ATG16L2: variants seen among roughly 807,000 people sequenced by gnomAD.
ATG16L2 encodes the protein autophagy related 16 like 2.
A neutral mutation model predicts 84.7 loss-of-function variants in ATG16L2; 77 were observed. That is an observed-to-expected ratio of 0.91 (90% CI 0.76 to 1.10). The LOEUF (loss-of-function observed/expected upper bound fraction) is 1.10. ATG16L2 is among the 50% of genes least tolerant of loss of function. ATG16L2 has a pLI of 0.00. For missense variants in ATG16L2, 782 were observed against 817.6 expected (o/e 0.96, Z 0.53); for synonymous variants, 361 against 342.8 (o/e 1.05, Z -0.59).
chr11:72,832,676 G>A (rs1356589123), downstream of ATG16L2, among the ~76,000 whole-genome samples: 3 of 152,212 alleles, frequency 2.0e-5, no homozygotes, highest in Non-Finnish European at 4.4e-5. Flanking sequence ...AATCTGGAGT[G>A]GCCCGCACTC....
downstream of ATG16L2, among the ~76,000 whole-genome samples, chr11:72,833,146 A>G (rs150768612): frequency 2.0e-5 from 3 of 152,338 alleles, no homozygotes. Flanking sequence ...GTCTCCCACC[A>G]GATGCAAGCC....
intron 1 of ATG16L2, chr11:72,816,355 GC>G: frequency 5.8e-6 from 1 of 173,256 alleles, no homozygotes; most frequent in Admixed American, 6.1e-5. Flanking sequence ...GACAGGTAGA[GC>G]TCGGTTTATT....
rs552814779 is a variant in ATG16L2 at position 72,825,391 on chromosome 11, C to T, written c.1086C>T (p.Leu362=). 1.2e-6 allele frequency: 2 copies of T among 1,612,500 alleles called. No homozygotes were observed. Among genetic ancestry groups the T allele is most frequent in the East Asian group, 2.2e-5 (1 of 44,870 alleles). Residue 362 remains leucine (L), a synonymous_variant, in exon 10 of 18, where the codon CTC becomes CTT. Coordinates refer to ENST00000321297, the MANE Select transcript of ATG16L2 (RefSeq NM_033388.2). ...ATGGADRLIH[L]WNVVGSRLEA... is the part of the protein sequence containing the mutation. ...GAGGGGCTGACCGCCTGATCCACCT[C>T]TGGAATGTTGTGGGAAGTAAGGAGC...
intron 10 of ATG16L2, 105 bp from the exon 11 acceptor site, chr11:72,826,068 T>C (rs539809593): frequency 1.3e-5 from 12 of 892,508 alleles, no homozygotes; most frequent in Admixed American, 9.2e-5. Context: ...CCTGGGGATG[T>C]GTCGGGGGGT....
At chr11:72,842,956 T>G (rs996747754) in exon 6 of ATG16L2, 1 of 945,284 alleles carries the variant, frequency 1.1e-6, no homozygotes, top group Non-Finnish European at 1.6e-6. Context: ...AGGATTAAAG[T>G]TGTAATTTTT....
At chr11:72,823,195 A>G in intron 7 of ATG16L2, 1 of 461,432 alleles carries the variant, frequency 2.2e-6, no homozygotes, top group East Asian at 4.1e-5. Flanking sequence ...CCTTCTTGGG[A>G]TCAGAGCTCT....
At chr11:72,819,183 G>T (rs577394506) in intron 3 of ATG16L2, among the ~76,000 whole-genome samples, 26 of 152,098 alleles carry the variant, frequency 1.7e-4, no homozygotes, top group South Asian at 4.1e-4. Flanking sequence ...CCCCCCAGTC[G>T]TTCTCACACA....
intron 1 of ATG16L2, 81 bp downstream of exon 1, chr11:72,814,644 C>T: frequency 8.5e-7 from 1 of 1,176,028 alleles, no homozygotes; most frequent in East Asian, 3.1e-5. Flanking sequence ...GCTGGCTCCT[C>T]CGCCTGTGAC....
In ATG16L2 at chr11:72,821,658, C is replaced by G; in HGVS notation, c.319-10C>G. The G allele has an allele frequency of 6.5e-7, 1 of 1,533,278 alleles. No individual in the cohort carries two copies. 95.0% of individuals were successfully genotyped at this position (1,533,278 alleles called of 1,614,324 possible). On this transcript the variant is annotated splice_polypyrimidine_tract_variant and intron_variant, in intron 3 of 17. Transcript: ENST00000321297. ...CCTCAGCGCCGCCGTGCCCACCTGT[C>G]CGCCCCCAGATGGCCTACCAGGTGG...
Position 72,825,347 on chromosome 11 carries a change from A to G in ATG16L2, c.1042A>G (p.Ser348Gly), listed in dbSNP as rs1284644840. Residue 348 changes from serine (S) to glycine (G), a missense_variant, in exon 10 of 18, where the codon AGC becomes GGC. By Grantham distance (56) the Ser-to-Gly change is moderately conservative. Coordinates refer to ENST00000321297, the MANE Select transcript of ATG16L2 (RefSeq NM_033388.2). ...CAATGCTGTTCGTTTTGGCCCCAAC[A>G]GCAGCCTCCTGGCCACTGGAGGGGC... ...EVNAVRFGPN[S>G]SLLATGGADR... is the part of the protein sequence containing the mutation. 1 of 1,613,602 alleles carries G rather than the reference A, an allele frequency of 6.2e-7. No homozygotes were observed. Among genetic ancestry groups the G allele is most frequent in the South Asian group, 1.1e-5 (1 of 91,074 alleles).
chr11:72,829,094 C>G, intron 17 of ATG16L2, 110 bp downstream of exon 17: 2 of 1,212,850 alleles, frequency 1.6e-6, no homozygotes, highest in Non-Finnish European at 2.4e-6. Flanking sequence ...CCTCCACCTT[C>G]CACCCGACCA....
chr11:72,817,996 T>G, intron 3 of ATG16L2, 141 bp downstream of exon 3: 1 of 782,892 alleles, frequency 1.3e-6, no homozygotes, highest in Non-Finnish European at 2.0e-6. Context: ...TGCCAGGCCC[T>G]GACCTGAAGC....
intron 3 of ATG16L2, chr11:72,819,115 C>T (rs1244346633): frequency 6.6e-6 from 1 of 152,170 alleles, no homozygotes; most frequent in Non-Finnish European, 1.5e-5. Context: ...ATACTAATGA[C>T]TATTTGTAGA....
At chr11:72,827,368 G>A in intron 14 of ATG16L2, 75 bp downstream of exon 14, 4 of 1,280,874 alleles carry the variant, frequency 3.1e-6, no homozygotes, top group Non-Finnish European at 3.4e-6. Flanking sequence ...CCTTTCTCTG[G>A]CCATGGCAGG....
At chr11:72,829,099 C>T (rs771047006) in intron 17 of ATG16L2, 115 bp downstream of exon 17, 21 of 1,177,408 alleles carry the variant, frequency 1.8e-5, no homozygotes, top group African/African-American at 1.1e-4. Context: ...ACCTTCCACC[C>T]GACCAGAGCC....
chr11:72,841,364 A>AAAAAT, intron 5 of ATG16L2: 2 of 1,000,856 alleles, frequency 2.0e-6, no homozygotes, highest in Non-Finnish European at 2.8e-6. Context: ...AAAAAAAAAA[A>AAAAAT]GCAAATGCAG....
downstream of ATG16L2, among the ~76,000 whole-genome samples, chr11:72,833,303 T>A (rs945899735): frequency 2.0e-5 from 3 of 152,238 alleles, no homozygotes; most frequent in East Asian, 5.8e-4. Context: ...GGATACAGGC[T>A]CTTCCACTGG....
chr11:72,839,542 AT>A lies in ATG16L2; in HGVS notation c.*22-3072del, dbSNP rs574370665. On this transcript the variant is annotated intron_variant, in intron 5 of 5. Transcript: ENST00000534905. ...GTAGGGGAAGTAGAGAAGTGGAAAGATTTGCGAGCTCTCTGCAAGGTATACC... is the reference window on the plus strand; with the variant it reads ...GTAGGGGAAGTAGAGAAGTGGAAAGATTGCGAGCTCTCTGCAAGGTATACC... Among the ~76,000 whole-genome samples, 114 of 152,236 alleles carry A rather than the reference AT, an allele frequency of 7.5e-4. 2 individuals carry two copies. In the Middle Eastern group the frequency reaches 0.01, roughly 14 times the overall value.
chr11:72,821,608 CGGAGGGACTGGAGGCCT>C (rs1859997024), intron 3 of ATG16L2, 43 bp from the exon 4 acceptor site: 3 of 1,510,498 alleles, frequency 2.0e-6, no homozygotes, highest in South Asian at 1.2e-5. Flanking sequence ...CCTTCGGCCC[CGGAGGGACTGGAGGCCT>C]GGAGGGGCCT....
Sources: allele counts gnomAD v4.1 joint callset (sites outside exome capture counted in the v4.1 genomes callset), GRCh38; gene constraint gnomAD v4.1.1; transcripts MANE v1.5; gene names NCBI Gene and HGNC (gene_info 2026-07-23, HGNC 2026-07-21).